The following TNIP3 variants were observed in gnomAD, a reference collection of about 807,000 sequenced individuals.
The protein encoded by TNIP3 is TNFAIP3 interacting protein 3, also known as TNFAIP3-interacting protein 3.
TNIP3 carries 34 observed loss-of-function variants against 54.1 expected under a neutral mutation model. That is an observed-to-expected ratio of 0.63 (90% CI 0.48 to 0.84). The LOEUF is 0.84. Ranked by LOEUF, TNIP3 falls within the 40% of genes least tolerant of loss-of-function variation. The pLI is 0.00. For missense variants in TNIP3, 366 were observed against 387.6 expected (o/e 0.94, Z 0.47); for synonymous variants, 134 against 136.8 (o/e 0.98, Z 0.14).
At chr4:121,174,174 C>T (rs1724158692) in intron 3 of TNIP3, among the ~76,000 whole-genome samples, 1 of 152,108 alleles carries the variant, frequency 6.6e-6, no homozygotes, top group Non-Finnish European at 1.5e-5. Context: ...CTACCTTCTT[C>T]CTGAGGCAAT....
intron 2 of TNIP3, among the ~76,000 whole-genome samples, chr4:121,160,476 C>CAAAA (rs10672885): frequency 7.3e-6 from 1 of 137,812 alleles, no homozygotes; most frequent in African/African-American, 2.6e-5. Flanking sequence ...AACACTGTCT[C>CAAAA]AAAAAAAAAA....
At chr4:121,156,416 A>G (rs1406852335) in intron 4 of TNIP3, among the ~76,000 whole-genome samples, 2 of 152,204 alleles carry the variant, frequency 1.3e-5, no homozygotes, top group Non-Finnish European at 2.9e-5. Flanking sequence ...TGTCATCTCA[A>G]TTGTCACCAT....
intron 1 of TNIP3, among the ~76,000 whole-genome samples, chr4:121,226,990 A>G (rs1727284526): frequency 6.6e-6 from 1 of 152,232 alleles, no homozygotes; most frequent in African/African-American, 2.4e-5. Context: ...CAAGAGGGAA[A>G]GCATAATTAT....
intron 5 of TNIP3, among the ~76,000 whole-genome samples, chr4:121,153,328 C>A (rs532058686): frequency 6.6e-6 from 1 of 152,066 alleles, no homozygotes; most frequent in African/African-American, 2.4e-5. Context: ...CTTGGCTGTT[C>A]TAATATCTAC....
intron 2 of TNIP3, among the ~76,000 whole-genome samples, chr4:121,185,039 G>A (rs1724934936): frequency 6.6e-6 from 1 of 152,312 alleles, no homozygotes; most frequent in African/African-American, 2.4e-5. Flanking sequence ...TGCCTGCCAA[G>A]ATGTCACAAG....
rs1213809155 is a variant in TNIP3 at position 121,131,461 on chromosome 4, T to G, written c.*1170A>C. ...TGGCTTGAGAAGTCAGAATTAAGTT[T>G]TTCATTAAAATTAATCAAATCCAAG... On this transcript the variant is annotated 3_prime_UTR_variant, in exon 11 of 11. Transcript: ENST00000057513. 1 of 151,928 alleles carries G rather than the reference T, an allele frequency of 6.6e-6. No individual in the cohort carries two copies. Among genetic ancestry groups the G allele is most frequent in the Admixed American group, 6.6e-5 (1 of 15,248 alleles). The allele number at this position is 151,928 out of a possible 1,614,324, so 9.4% of individuals were successfully genotyped here. A position where few individuals can be genotyped will look rare whatever the true frequency, so the allele number is the denominator to read the frequency against.
At chr4:121,157,049 C>T (rs578154432) in intron 4 of TNIP3, 45 bp downstream of exon 4, 91 of 1,607,320 alleles carry the variant, frequency 5.7e-5, no homozygotes, top group Middle Eastern at 1.8e-4. Context: ...CGCCCCTTTG[C>T]TTTTATTTGG....
intron 2 of TNIP3, among the ~76,000 whole-genome samples, chr4:121,210,232 A>G (rs1443970595): frequency 2.0e-5 from 3 of 150,932 alleles, no homozygotes; most frequent in African/African-American, 7.5e-5. Flanking sequence ...TATAATTTAT[A>G]ATAAAGAAAG....
At chr4:121,133,553 A>G (rs1560630303) in intron 10 of TNIP3, among the ~76,000 whole-genome samples, 1 of 152,226 alleles carries the variant, frequency 6.6e-6, no homozygotes, top group Non-Finnish European at 1.5e-5. Context: ...GGTATCTTAA[A>G]TATTTTAAAA....
chr4:121,134,776 C>T (rs994389762), intron 10 of TNIP3, among the ~76,000 whole-genome samples: 1 of 152,206 alleles, frequency 6.6e-6, no homozygotes, highest in East Asian at 1.9e-4. Flanking sequence ...CACTGATGTC[C>T]CCATCTTATA....
rs576628906 is a variant in TNIP3 at position 121,182,040 on chromosome 4, A to AT, written c.189+635dup. Among the ~76,000 whole-genome samples the AT allele has an allele frequency of 6.4e-3, 949 of 148,062 alleles. 10 individuals are homozygous for AT. The highest frequency in any genetic ancestry group is 0.021 in the African/African-American group (844 of 40,640). Reference sequence around the variant, plus strand: ...CAAACTACTCACATTCTCACATTAGATTTTTTTTTTTAGTAAGAATCATGA... The same window carrying AT: ...CAAACTACTCACATTCTCACATTAGATTTTTTTTTTTTAGTAAGAATCATGA... On this transcript the variant is annotated intron_variant, in intron 3 of 12. Transcript: ENST00000507879.
At chr4:121,199,882 G>A (rs532513998) in intron 2 of TNIP3, among the ~76,000 whole-genome samples, 1 of 152,306 alleles carries the variant, frequency 6.6e-6, no homozygotes, top group South Asian at 2.1e-4. Context: ...GCTTAGGAGC[G>A]AAGGCTGGGA....
intron 7 of TNIP3, among the ~76,000 whole-genome samples, chr4:121,145,651 AATT>A (rs1333236956): frequency 1.0e-4 from 15 of 149,804 alleles, no homozygotes; most frequent in African/African-American, 3.4e-4. Flanking sequence ...TATAAAAATA[AATT>A]ATTAAAAATT....
At chr4:121,185,535 T>C (rs1724969508) in intron 2 of TNIP3, among the ~76,000 whole-genome samples, 1 of 152,218 alleles carries the variant, frequency 6.6e-6, no homozygotes, top group Non-Finnish European at 1.5e-5. Context: ...TGTCTGTGTT[T>C]ATTCACTGCT....
intron 2 of TNIP3, among the ~76,000 whole-genome samples, chr4:121,190,979 A>G (rs1725278634): frequency 6.6e-6 from 1 of 152,172 alleles, no homozygotes; most frequent in African/African-American, 2.4e-5. Context: ...ATTTATTCCA[A>G]AGTTGAAAAT....
intron 3 of TNIP3, among the ~76,000 whole-genome samples, chr4:121,181,089 A>G (rs561788689): frequency 2.0e-5 from 3 of 152,350 alleles, no homozygotes; most frequent in East Asian, 3.8e-4. Flanking sequence ...CCAAAAGGAG[A>G]CATAACCTGT....
At position 121,132,230 on chromosome 4, in the gene TNIP3, AC is replaced by A; in HGVS notation, c.*400del. On this transcript the variant is annotated 3_prime_UTR_variant, in exon 11 of 11. Transcript: ENST00000057513. ...CCCCAGGAAACACACACACACACAC[AC>A]ACACACACACACACACACACATATG... 1 of 166,244 alleles carries A rather than the reference AC, an allele frequency of 6.0e-6. No homozygotes were observed. The highest frequency in any genetic ancestry group is 1.3e-5 in the Non-Finnish European group (1 of 77,502). The allele number at this position is 166,244 out of a possible 1,614,324, so 10.3% of individuals were successfully genotyped here.
At chr4:121,144,926 G>T (rs1162207029) in intron 7 of TNIP3, among the ~76,000 whole-genome samples, 1 of 152,098 alleles carries the variant, frequency 6.6e-6, no homozygotes, top group African/African-American at 2.4e-5. Context: ...CTTGTTCAAG[G>T]TTACCACCAA....
At chr4:121,133,560 A>T (rs1728605267) in intron 10 of TNIP3, among the ~76,000 whole-genome samples, 1 of 152,222 alleles carries the variant, frequency 6.6e-6, no homozygotes, top group East Asian at 1.9e-4. Context: ...TAAATATTTT[A>T]AAATTAACTC....
Sources: gnomAD v4.1 joint callset for allele counts (sites outside exome capture counted in the v4.1 genomes callset) on GRCh38, gnomAD v4.1.1 for gene constraint, MANE v1.5 for transcripts, NCBI Gene and HGNC (gene_info 2026-07-23, HGNC 2026-07-21) for gene names.